DUSP16: variants seen among roughly 807,000 people sequenced by gnomAD.
The protein encoded by DUSP16 is dual specificity protein phosphatase 16.
A neutral mutation model predicts 58.3 loss-of-function variants in DUSP16; 21 were observed. The ratio of observed to expected loss-of-function variants is 0.36; its 90% CI spans 0.26 to 0.52. The LOEUF is 0.52. Among genes scored for constraint, DUSP16 ranks in the 20% least tolerant of loss-of-function variants. DUSP16 has a pLI of 0.94. For synonymous variants in DUSP16, 320 were observed against 323.8 expected (o/e 0.99, Z 0.12); for missense variants, 726 against 819.0 (o/e 0.89, Z 1.39).
chr12:12,555,320 C>G (rs1944791293), intron 1 of DUSP16, among the ~76,000 whole-genome samples: 1 of 152,186 alleles, frequency 6.6e-6, no homozygotes, highest in African/African-American at 2.4e-5. Context: ...CAACCCCTTG[C>G]AAACTGCAAC....
intron 3 of DUSP16, among the ~76,000 whole-genome samples, chr12:12,511,540 C>A (rs1285263326): frequency 6.6e-6 from 1 of 152,042 alleles, no homozygotes; most frequent in Non-Finnish European, 1.5e-5. Flanking sequence ...CCCTCCCTAC[C>A]CAAATCTTAC....
intron 1 of DUSP16, among the ~76,000 whole-genome samples, chr12:12,543,935 A>G (rs1007646594): frequency 6.6e-6 from 1 of 151,600 alleles, no homozygotes; most frequent in Non-Finnish European, 1.5e-5. Flanking sequence ...AAACTAATAC[A>G]ATCTTGTATG....
intron 1 of DUSP16, among the ~76,000 whole-genome samples, chr12:12,524,329 C>T (rs1184529314): frequency 6.6e-6 from 1 of 152,184 alleles, no homozygotes; most frequent in Admixed American, 6.5e-5. Context: ...CAGTGCTGTA[C>T]TGAGGCCAGC....
At chr12:12,499,143 GAATGAC>G (rs1943874327) in intron 4 of DUSP16, among the ~76,000 whole-genome samples, 2 of 152,176 alleles carry the variant, frequency 1.3e-5, no homozygotes, top group South Asian at 4.1e-4. Flanking sequence ...ATTACTTGTG[GAATGAC>G]CTGCTGATGG....
chr12:12,547,810 G>C (rs2136261946), intron 1 of DUSP16, among the ~76,000 whole-genome samples: 1 of 152,338 alleles, frequency 6.6e-6, no homozygotes, highest in East Asian at 1.9e-4. Flanking sequence ...GTAGAAGTTA[G>C]ATAATACTGA....
chr12:12,487,227 AT>A (rs959582498), intron 4 of DUSP16, 40 bp from the exon 5 acceptor site: 1 of 1,591,642 alleles, frequency 6.3e-7, no homozygotes, highest in Non-Finnish European at 8.6e-7. Context: ...GACTAATAAT[AT>A]AGTAAACATG....
At chr12:12,493,556 C>T (rs567906649) in intron 4 of DUSP16, among the ~76,000 whole-genome samples, 6 of 152,298 alleles carry the variant, frequency 3.9e-5, no homozygotes, top group African/African-American at 1.2e-4. Context: ...AAGTCCTATG[C>T]AGAAATCTTG....
intron 5 of DUSP16, among the ~76,000 whole-genome samples, chr12:12,484,726 A>C (rs1463266890): frequency 1.3e-5 from 2 of 151,688 alleles, no homozygotes; most frequent in African/African-American, 4.8e-5. Context: ...GGTTCAAGAG[A>C]TTCTCCTGCC....
intron 1 of DUSP16, among the ~76,000 whole-genome samples, chr12:12,554,176 G>A (rs1326491932): frequency 1.6e-5 from 2 of 121,740 alleles, no homozygotes; most frequent in South Asian, 2.5e-4. Context: ...CAACCTGGGT[G>A]ACAGAGTGAA....
chr12:12,535,124 G>C (rs1468081661), intron 1 of DUSP16, among the ~76,000 whole-genome samples: 6 of 152,210 alleles, frequency 3.9e-5, no homozygotes, highest in Non-Finnish European at 8.8e-5. Flanking sequence ...TCAAGAGTCT[G>C]CCTGGCACAT....
At position 12,477,592 on chromosome 12, in the gene DUSP16, C is replaced by T. The variant is rs1243907091; in HGVS notation, c.1239G>A (p.Met413Ile). 4 of 1,614,154 alleles carry T rather than the reference C, an allele frequency of 2.5e-6. No homozygotes were observed. The highest frequency in any genetic ancestry group is 3.4e-6 in the Non-Finnish European group (4 of 1,180,006). ...DIKSVSYSASMAASLHGFSSS... is the reference protein window; with the variant it reads ...DIKSVSYSASIAASLHGFSSS... ...AGGAGAAGCCATGTAAGGATGCTGC[C>T]ATGCTGGCTGAATATGAAACTGATT... The change falls in exon 7 of 7, where the codon ATG becomes ATA. Residue 413 changes from methionine (M) to isoleucine (I), a missense_variant. Physicochemically the swap from Met to Ile is conservative, Grantham distance 10. Transcript: ENST00000298573. This position sits in a 1 kb window ranked among gnomAD's most constrained non-coding sequence, Gnocchi z 4.1.
At chr12:12,534,937 C>T (rs957471356) in intron 1 of DUSP16, among the ~76,000 whole-genome samples, 9 of 152,102 alleles carry the variant, frequency 5.9e-5, no homozygotes, top group African/African-American at 2.2e-4. Context: ...CCTTAAATAC[C>T]TCATGTTCCA....
At chr12:12,552,725 G>T (rs1315127692) in intron 1 of DUSP16, among the ~76,000 whole-genome samples, 1 of 152,106 alleles carries the variant, frequency 6.6e-6, no homozygotes, top group Non-Finnish European at 1.5e-5. Context: ...AGATTTTTTT[G>T]TGTGTGTTGG....
At chr12:12,560,512 C>T (rs1227297694) in intron 1 of DUSP16, among the ~76,000 whole-genome samples, 1 of 152,166 alleles carries the variant, frequency 6.6e-6, no homozygotes, top group Non-Finnish European at 1.5e-5. Flanking sequence ...TCCACATTGT[C>T]TTCAAACTCA....
At chr12:12,556,028 A>T (rs1009785363) in intron 1 of DUSP16, among the ~76,000 whole-genome samples, 2 of 152,212 alleles carry the variant, frequency 1.3e-5, no homozygotes, top group African/African-American at 2.4e-5. Flanking sequence ...GCGACAGAGT[A>T]AGACCATGTC....
intron 1 of DUSP16, among the ~76,000 whole-genome samples, chr12:12,532,846 G>A (rs1944411152): frequency 6.6e-6 from 1 of 151,962 alleles, no homozygotes. Context: ...TATTCGGGAG[G>A]CTGAGGCAGC....
intron 1 of DUSP16, among the ~76,000 whole-genome samples, chr12:12,530,878 T>C (rs1055498954): frequency 1.3e-5 from 2 of 152,190 alleles, no homozygotes; most frequent in African/African-American, 4.8e-5. Context: ...TTAAAGGATC[T>C]TTACATTAAA....
chr12:12,505,855 T>G (rs1310974721), intron 3 of DUSP16, among the ~76,000 whole-genome samples: 1 of 152,212 alleles, frequency 6.6e-6, no homozygotes, highest in Non-Finnish European at 1.5e-5. Flanking sequence ...CAAATCTTTC[T>G]CAACTGATAT....
rs144917241 is a variant in DUSP16 at position 12,517,315 on chromosome 12, T to C, written c.367+2547A>G. On this transcript the variant is annotated intron_variant, in intron 3 of 6. Transcript: ENST00000298573. ...AACGAGACTGACAACAATCTCCAAC[T>C]GTTGAAAGTCACAGGGGCAGTTTGT... 3.2e-4 allele frequency among the ~76,000 whole-genome samples: 48 copies of C among 152,346 alleles called. No homozygotes were observed. In the East Asian group the frequency reaches 8.7e-3, roughly 28 times the overall value.
Sources: allele counts gnomAD v4.1 joint callset (sites outside exome capture counted in the v4.1 genomes callset), GRCh38; gene constraint gnomAD v4.1.1; non-coding constraint Gnocchi (gnomAD v3.1); transcripts MANE v1.5; gene names NCBI Gene and HGNC (gene_info 2026-07-23, HGNC 2026-07-21).